STX17: variants seen among roughly 807,000 people sequenced by gnomAD.
STX17 encodes syntaxin-17.
In STX17, 29 loss-of-function variants were observed where a neutral mutation model predicts 35.9. That is an observed-to-expected ratio of 0.81 (90% CI 0.60 to 1.10). The LOEUF (loss-of-function observed/expected upper bound fraction) is 1.10. Among genes scored for constraint, STX17 ranks in the 50% least tolerant of loss-of-function variants. The probability of loss-of-function intolerance (pLI) is 0.00; values close to 1 mark genes in which losing one functional copy is unlikely to be tolerated. For synonymous variants in STX17, 92 were observed against 118.3 expected (o/e 0.78, Z 1.44); for missense variants, 312 against 352.3 (o/e 0.89, Z 0.92).
rs1444396299 is a variant in STX17, at chr9:99,906,696, C to T, written c.-73C>T. On this transcript the variant is annotated 5_prime_UTR_variant, in exon 1 of 8. Coordinates refer to ENST00000259400, the MANE Select transcript of STX17 (RefSeq NM_017919.3). Reference sequence around the variant, plus strand: ...GTGCCCACCGACCGGCCTCGAGCGCCCCGGCGGGAGGTAAGGGGCTCTCTG... The same window carrying T: ...GTGCCCACCGACCGGCCTCGAGCGCTCCGGCGGGAGGTAAGGGGCTCTCTG... 6.6e-6 allele frequency: 1 copy of T among 152,036 alleles called. No individual in the cohort carries two copies. The allele number at this position is 152,036 out of a possible 1,614,324, so 9.4% of individuals were successfully genotyped here.
chr9:99,945,391 T>C (rs890918429), intron 3 of STX17, among the ~76,000 whole-genome samples: 2 of 152,164 alleles, frequency 1.3e-5, no homozygotes, highest in Non-Finnish European at 2.9e-5. Context: ...AAAGTCTGTT[T>C]TTTCTAATAT....
intron 2 of STX17, among the ~76,000 whole-genome samples, chr9:99,925,155 T>G (rs1828963495): frequency 6.6e-6 from 1 of 152,070 alleles, no homozygotes; most frequent in African/African-American, 2.4e-5. Flanking sequence ...TATTTTTTAT[T>G]TTTTTAGTGG....
rs535906871 is a variant in STX17 at position 99,960,753 on chromosome 9, T to G, written c.582+598T>G. Among the ~76,000 whole-genome samples, 9 of 152,302 alleles carry G rather than the reference T, an allele frequency of 5.9e-5. No homozygotes were observed. In the East Asian group the frequency reaches 1.7e-3, roughly 29 times the overall value. On this transcript the variant is annotated intron_variant, in intron 6 of 7. Coordinates refer to ENST00000259400, the MANE Select transcript of STX17 (RefSeq NM_017919.3). ...CACCACGCCCTGCTGCCTTTGAGCA[T>G]TCTACAGTGAGTGGAGATAGGCCTG...
chr9:99,966,726 A>G (rs10988927), intron 6 of STX17, among the ~76,000 whole-genome samples: 15,117 of 152,272 alleles, frequency 0.099, 1,586 homozygotes, highest in East Asian at 0.53. Flanking sequence ...AAATTTCATC[A>G]TACTATACCA....
Position 99,968,951 on chromosome 9 carries a change from CTG to C in STX17, c.*279_*280del, listed in dbSNP as rs774110767. 4 of 290,424 alleles carry C rather than the reference CTG, an allele frequency of 1.4e-5. No homozygotes were observed. The highest frequency in any genetic ancestry group is 2.2e-5 in the African/African-American group (1 of 45,754). 18.0% of individuals were successfully genotyped at this position (290,424 alleles called of 1,614,324 possible). ...GATTTTCTCCCTGGAAATGTGAAAA[CTG>C]AACCTATAACTCTGATAAGGACTTG... is the stretch of plus-strand genomic sequence containing the variant. On this transcript the variant is annotated 3_prime_UTR_variant, in exon 8 of 8. Transcript: ENST00000259400.
At chr9:99,949,248 T>G (rs1457526717) in intron 3 of STX17, among the ~76,000 whole-genome samples, 1 of 152,096 alleles carries the variant, frequency 6.6e-6, no homozygotes, top group East Asian at 1.9e-4. Flanking sequence ...CAGCTCATAT[T>G]AGAATGGTAA....
intron 4 of STX17, among the ~76,000 whole-genome samples, chr9:99,956,304 C>G (rs896106765): frequency 6.6e-6 from 1 of 152,104 alleles, no homozygotes; most frequent in Non-Finnish European, 1.5e-5. Context: ...ATATAATAAT[C>G]TGTCCTCATT....
At chr9:99,923,888 G>A (rs1171890569) in intron 2 of STX17, among the ~76,000 whole-genome samples, 2 of 152,164 alleles carry the variant, frequency 1.3e-5, no homozygotes, top group South Asian at 2.1e-4. Context: ...TGAGGTATGA[G>A]GGAATGGGTG....
At chr9:99,950,582 T>C (rs1311885051) in intron 3 of STX17, among the ~76,000 whole-genome samples, 4 of 151,900 alleles carry the variant, frequency 2.6e-5, no homozygotes, top group South Asian at 4.1e-4. Flanking sequence ...AGTGTAACCA[T>C]TGAGCAGGAG....
rs1830036210 is a variant in STX17 at position 99,972,499 on chromosome 9, A to AGT, written c.*3827_*3828dup. 6.6e-6 allele frequency among the ~76,000 whole-genome samples: 1 copy of AGT among 152,110 alleles called. No individual in the cohort carries two copies. On this transcript the variant is annotated 3_prime_UTR_variant, in exon 8 of 8. Transcript: ENST00000259400. ...GATGGTGCTGTGTAGAACTGACCAG[A>AGT]GTTCCTGGAGGATTTTGAGGTTATA...
intron 1 of STX17, among the ~76,000 whole-genome samples, chr9:99,910,047 A>T (rs1047841361): frequency 5.8e-4 from 89 of 152,276 alleles, no homozygotes; most frequent in African/African-American, 2.1e-3. Flanking sequence ...AGCCTGGCCA[A>T]CATGGTGAAA....
intron 3 of STX17, 21 bp downstream of exon 3, chr9:99,928,864 C>G: frequency 6.2e-7 from 1 of 1,608,390 alleles, no homozygotes; most frequent in South Asian, 1.1e-5. Context: ...TATATTTTTT[C>G]TGCTAAATCA....
chr9:99,947,054 T>A (rs1829501115), intron 3 of STX17, among the ~76,000 whole-genome samples: 1 of 152,132 alleles, frequency 6.6e-6, no homozygotes, highest in Non-Finnish European at 1.5e-5. Flanking sequence ...TTTTCCGTCT[T>A]CTTCTGGAAT....
chr9:99,955,530 T>C (rs1829688971), intron 4 of STX17, among the ~76,000 whole-genome samples: 1 of 152,104 alleles, frequency 6.6e-6, no homozygotes, highest in South Asian at 2.1e-4. Context: ...TTTGAATTAA[T>C]TTAGATTTAT....
At chr9:99,918,296 A>T (rs557062341) in intron 2 of STX17, among the ~76,000 whole-genome samples, 1 of 152,002 alleles carries the variant, frequency 6.6e-6, no homozygotes, top group African/African-American at 2.4e-5. Flanking sequence ...TGTTCAGCTA[A>T]TTTTTAAATA....
chr9:99,913,378 TC>T (rs1364444597), intron 1 of STX17, among the ~76,000 whole-genome samples: 3 of 152,096 alleles, frequency 2.0e-5, no homozygotes, highest in African/African-American at 4.8e-5. Context: ...ATCTTTTTAT[TC>T]CTCTGTGTTC....
chr9:99,928,717 TA>T, intron 2 of STX17, 60 bp from the exon 3 acceptor site: 1 of 1,461,426 alleles, frequency 6.8e-7, no homozygotes, highest in Non-Finnish European at 9.6e-7. Context: ...ATTTTTGTGG[TA>T]ATGGGAAATA....
At chr9:99,936,312 A>G (rs1294309387) in intron 3 of STX17, among the ~76,000 whole-genome samples, 1 of 152,182 alleles carries the variant, frequency 6.6e-6, no homozygotes. Flanking sequence ...GTATCGTTTT[A>G]TATTCCCACC....
At chr9:99,958,585 A>G (rs192079387) in intron 4 of STX17, among the ~76,000 whole-genome samples, 35 of 152,362 alleles carry the variant, frequency 2.3e-4, no homozygotes, top group Admixed American at 1.7e-3. Context: ...CAAACAGTTT[A>G]TAAATAGCCA....
Sources: gnomAD v4.1 joint callset for allele counts (sites outside exome capture counted in the v4.1 genomes callset) on GRCh38, gnomAD v4.1.1 for gene constraint, MANE v1.5 for transcripts, NCBI Gene and HGNC (gene_info 2026-07-23, HGNC 2026-07-21) for gene names.